Variants in ATP8A2 observed in about 807,000 individuals in gnomAD.
ATP8A2 encodes phospholipid-transporting ATPase IB.
In ATP8A2, 100 loss-of-function variants were observed where a neutral mutation model predicts 165.6. The ratio of observed to expected loss-of-function variants is 0.60; its 90% confidence interval spans 0.51 to 0.71. ATP8A2 has a LOEUF of 0.71. Among genes scored for constraint, ATP8A2 ranks in the 30% least tolerant of loss-of-function variants. ATP8A2 has a pLI of 0.00. For missense variants in ATP8A2, 1,227 were observed against 1,479.5 expected, an observed-to-expected ratio of 0.83 and a Z score of 2.80; for synonymous variants, 543 against 548.8, an observed-to-expected ratio of 0.99 and a Z score of 0.15.
intron 27 of ATP8A2, among the ~76,000 whole-genome samples, chr13:25,790,755 A>T (rs2045148947): frequency 6.6e-6 from 1 of 152,134 alleles, no homozygotes; most frequent in Non-Finnish European, 1.5e-5. Flanking sequence ...AGACATACAC[A>T]GTGGCCAACA....
chr13:25,443,642 T>C (rs8000396), intron 1 of ATP8A2, among the ~76,000 whole-genome samples: 65,595 of 152,132 alleles, frequency 0.43, 14,790 homozygotes, highest in East Asian at 0.59. Flanking sequence ...GATTGTAGTC[T>C]ACATTCCCTA....
intron 24 of ATP8A2, among the ~76,000 whole-genome samples, chr13:25,660,695 C>G (rs969676472): frequency 1.3e-5 from 2 of 151,786 alleles, no homozygotes; most frequent in African/African-American, 4.8e-5. Flanking sequence ...AAGCAATAAA[C>G]CAAGTCACAA....
At chr13:25,442,003 T>G (rs1461254835) in intron 1 of ATP8A2, among the ~76,000 whole-genome samples, 1 of 152,196 alleles carries the variant, frequency 6.6e-6, no homozygotes, top group Non-Finnish European at 1.5e-5. Context: ...TGGAATCACT[T>G]TTTGCTTATT....
At chr13:25,534,513 G>A (rs936630452) in intron 6 of ATP8A2, among the ~76,000 whole-genome samples, 8 of 152,196 alleles carry the variant, frequency 5.3e-5, no homozygotes, top group African/African-American at 1.7e-4. Flanking sequence ...ACTTGAAACA[G>A]CAGAAAATGG....
chr13:25,671,939 G>A lies in ATP8A2; in HGVS notation c.2212-27234G>A, dbSNP rs760333593. Among the ~76,000 whole-genome samples the A allele has an allele frequency of 1.1e-4, 16 of 152,258 alleles. No individual in the cohort carries two copies. In the Middle Eastern group the frequency reaches 0.01, roughly 97 times the overall value. On this transcript the variant is annotated intron_variant, in intron 24 of 36. Coordinates refer to ENST00000381655, the MANE Select transcript of ATP8A2 (RefSeq NM_016529.6). ...CTTGTGGGGTATCACGGGACCTACCGACGTGTGATGTCTCCCCCGGATGCC... is the reference window on the plus strand; with the variant it reads ...CTTGTGGGGTATCACGGGACCTACCAACGTGTGATGTCTCCCCCGGATGCC...
In ATP8A2 at chr13:25,874,635, G is replaced by A. The variant is rs766703201; in HGVS notation, c.3183+12227G>A. Among the ~76,000 whole-genome samples, 17 of 152,162 alleles carry A rather than the reference G, an allele frequency of 1.1e-4. 1 individual carries two copies. The highest frequency in any genetic ancestry group is 1.5e-5 in the Non-Finnish European group (1 of 68,036). On this transcript the variant is annotated intron_variant, in intron 33 of 36. Coordinates refer to ENST00000381655, the MANE Select transcript of ATP8A2 (RefSeq NM_016529.6). ...GTCAATGGAAGTGCAAAATGGTGCA[G>A]CTAATATGGAAAACAGCACGGAGGT...
chr13:25,673,489 A>T (rs1418990876), intron 24 of ATP8A2, among the ~76,000 whole-genome samples: 2 of 152,256 alleles, frequency 1.3e-5, no homozygotes, highest in Non-Finnish European at 2.9e-5. Context: ...TAGAAATAGA[A>T]GTCAAACATA....
chr13:25,479,655 G>A (rs1305958220), intron 2 of ATP8A2, among the ~76,000 whole-genome samples: 1 of 151,952 alleles, frequency 6.6e-6, no homozygotes, highest in Non-Finnish European at 1.5e-5. Context: ...CAGTGTTTGT[G>A]TCCCTGGGTA....
intron 1 of ATP8A2, among the ~76,000 whole-genome samples, chr13:25,397,553 C>T (rs999015863): frequency 1.3e-5 from 2 of 152,058 alleles, no homozygotes; most frequent in African/African-American, 4.8e-5. Context: ...TTTCTGGGGA[C>T]CCATTTTTCT....
At chr13:25,862,463 T>C (rs1952387675) in intron 33 of ATP8A2, 55 bp downstream of exon 33, 1 of 1,390,634 alleles carries the variant, frequency 7.2e-7, no homozygotes, top group Non-Finnish European at 1.0e-6. Context: ...GCAATGTTTC[T>C]CCATGGGCGG....
chr13:25,478,815 G>A (rs926271872), intron 2 of ATP8A2, among the ~76,000 whole-genome samples: 1 of 151,692 alleles, frequency 6.6e-6, no homozygotes, highest in African/African-American at 2.4e-5. Context: ...CTATATCAGT[G>A]GTCTCCAAAA....
At chr13:25,390,094 A>G (rs546572424) in intron 1 of ATP8A2, among the ~76,000 whole-genome samples, 5 of 152,336 alleles carry the variant, frequency 3.3e-5, no homozygotes, top group Admixed American at 1.3e-4. Flanking sequence ...TCCCAGGTTC[A>G]AACGATTCTC....
chr13:25,603,918 G>T (rs1245296624), intron 24 of ATP8A2, among the ~76,000 whole-genome samples: 1 of 152,004 alleles, frequency 6.6e-6, no homozygotes, highest in African/African-American at 2.4e-5. Context: ...CAGGGGAAAG[G>T]TCTATTATGG....
intron 1 of ATP8A2, among the ~76,000 whole-genome samples, chr13:25,407,606 G>A (rs1420355486): frequency 6.6e-6 from 1 of 152,154 alleles, no homozygotes; most frequent in African/African-American, 2.4e-5. Context: ...AGCTTGACAA[G>A]TAGGGATTAT....
At chr13:25,634,050 T>A (rs1379269726) in intron 24 of ATP8A2, among the ~76,000 whole-genome samples, 1 of 152,018 alleles carries the variant, frequency 6.6e-6, no homozygotes, top group Non-Finnish European at 1.5e-5. Flanking sequence ...AAAAACCAAT[T>A]GACTATTAAG....
intron 24 of ATP8A2, among the ~76,000 whole-genome samples, chr13:25,625,667 T>C (rs1465975146): frequency 1.3e-5 from 2 of 152,214 alleles, no homozygotes; most frequent in Non-Finnish European, 2.9e-5. Flanking sequence ...TAACACTTCA[T>C]TCCACAGAAT....
chr13:25,624,313 C>T (rs9578895), intron 24 of ATP8A2, among the ~76,000 whole-genome samples: 2 of 152,136 alleles, frequency 1.3e-5, no homozygotes, highest in African/African-American at 4.8e-5. Context: ...CCTTCATCAC[C>T]TAAGGACTTG....
At chr13:25,470,972 TG>T (rs1355989946) in intron 2 of ATP8A2, among the ~76,000 whole-genome samples, 2 of 151,422 alleles carry the variant, frequency 1.3e-5, no homozygotes, top group African/African-American at 2.4e-5. Flanking sequence ...GAGAAAAGGT[TG>T]GGGGGAAATG....
intron 27 of ATP8A2, among the ~76,000 whole-genome samples, chr13:25,802,741 G>A (rs947028389): frequency 7.2e-5 from 11 of 152,136 alleles, no homozygotes; most frequent in South Asian, 4.1e-4. Context: ...CACCTAACAC[G>A]TTGAAACTCC....
Sources: gnomAD v4.1 joint callset for allele counts (sites outside exome capture counted in the v4.1 genomes callset) on GRCh38, gnomAD v4.1.1 for gene constraint, MANE v1.5 for transcripts, NCBI Gene and HGNC (gene_info 2026-07-23, HGNC 2026-07-21) for gene names.